The following MACROD2 variants were observed in gnomAD, a reference collection of about 807,000 sequenced individuals.
MACROD2 encodes ADP-ribose glycohydrolase MACROD2.
Under a neutral mutation model 70.4 loss-of-function variants are expected in MACROD2, and 36 were observed. The observed-to-expected ratio is 0.51, with a 90% CI of 0.39 to 0.68. MACROD2 has a LOEUF of 0.68. MACROD2 is among the 30% of genes least tolerant of loss of function. The pLI is 0.00. For synonymous variants in MACROD2, 172 were observed against 178.8 expected, an observed-to-expected ratio of 0.96 and a Z score of 0.30; for missense variants, 496 against 538.4, an observed-to-expected ratio of 0.92 and a Z score of 0.78.
At chr20:14,602,761 A>G (rs1982577183) in intron 4 of MACROD2, among the ~76,000 whole-genome samples, 1 of 152,188 alleles carries the variant, frequency 6.6e-6, no homozygotes, top group Non-Finnish European at 1.5e-5. Context: ...ATTATTTCTT[A>G]AAAATTGAAA....
intron 4 of MACROD2, among the ~76,000 whole-genome samples, chr20:14,508,700 AT>A (rs1171194117): frequency 1.3e-5 from 2 of 152,182 alleles, no homozygotes; most frequent in African/African-American, 2.4e-5. Flanking sequence ...ATTTTATTAA[AT>A]AAATATATTT....
intron 5 of MACROD2, among the ~76,000 whole-genome samples, chr20:15,045,837 A>C (rs1041028287): frequency 8.9e-5 from 13 of 145,592 alleles, no homozygotes; most frequent in African/African-American, 3.3e-4. Flanking sequence ...CATTATATTG[A>C]AGTGCTTTTT....
chr20:15,305,650 T>A (rs1234955022), intron 6 of MACROD2, among the ~76,000 whole-genome samples: 1 of 145,660 alleles, frequency 6.9e-6, no homozygotes, highest in Non-Finnish European at 1.5e-5. Context: ...GCTGAGTTGA[T>A]AAAATTGTGT....
intron 5 of MACROD2, among the ~76,000 whole-genome samples, chr20:14,737,873 T>C (rs2071686696): frequency 6.6e-6 from 1 of 152,124 alleles, no homozygotes; most frequent in African/African-American, 2.4e-5. Flanking sequence ...GGATAGATAG[T>C]TTTCTATAGC....
intron 6 of MACROD2, among the ~76,000 whole-genome samples, chr20:15,309,167 A>AT (rs1389786150): frequency 6.6e-6 from 1 of 152,214 alleles, no homozygotes; most frequent in East Asian, 1.9e-4. Flanking sequence ...CTACAAAGTT[A>AT]TTTTTCATAC....
rs534101784 is a variant in MACROD2 at position 15,609,267 on chromosome 20, G to T, written c.645+109420G>T. Among the ~76,000 whole-genome samples, 4 of 152,342 alleles carry T rather than the reference G, an allele frequency of 2.6e-5. No homozygotes were observed. In the South Asian group the frequency reaches 6.2e-4, roughly 24 times the overall value. ...TCGATAGGGAAGGTGAGAGAAGGAA[G>T]AACTTGGGAATCTTATTAATGGTAT... On this transcript the variant is annotated intron_variant, in intron 8 of 17. Coordinates refer to ENST00000684519, the MANE Select transcript of MACROD2 (RefSeq NM_001351661.2).
chr20:14,011,674 G>A (rs570590077), intron 2 of MACROD2, among the ~76,000 whole-genome samples: 3 of 151,778 alleles, frequency 2.0e-5, no homozygotes, highest in Non-Finnish European at 4.4e-5. Flanking sequence ...GACTCCAGGC[G>A]CCCGCCACCA....
chr20:15,113,594 G>A (rs980803708), intron 5 of MACROD2, among the ~76,000 whole-genome samples: 2 of 152,046 alleles, frequency 1.3e-5, no homozygotes, highest in Non-Finnish European at 2.9e-5. Context: ...GTTTAATGAT[G>A]GATATTATTG....
At chr20:15,112,717 C>T (rs1185441319) in intron 5 of MACROD2, among the ~76,000 whole-genome samples, 3 of 152,098 alleles carry the variant, frequency 2.0e-5, no homozygotes, top group Admixed American at 6.6e-5. Flanking sequence ...CACGGTAGTG[C>T]GGCCACCACC....
chr20:14,278,499 T>C (rs547658782), intron 3 of MACROD2, among the ~76,000 whole-genome samples: 66 of 152,230 alleles, frequency 4.3e-4, no homozygotes, highest in Non-Finnish European at 6.5e-4. Context: ...AGAATAATAA[T>C]AATATTTGCT....
intron 4 of MACROD2, among the ~76,000 whole-genome samples, chr20:14,509,298 T>C (rs1310883250): frequency 6.6e-6 from 1 of 152,112 alleles, no homozygotes; most frequent in African/African-American, 2.4e-5. Context: ...GACAGTAAAA[T>C]CATTAACTGT....
intron 6 of MACROD2, among the ~76,000 whole-genome samples, chr20:15,392,886 T>C (rs370863572): frequency 2.6e-5 from 4 of 152,058 alleles, no homozygotes; most frequent in South Asian, 4.2e-4. Context: ...AATTGTACAG[T>C]GTAAAGTGAT....
chr20:14,356,795 G>A (rs1257494919), intron 3 of MACROD2, among the ~76,000 whole-genome samples: 3 of 152,140 alleles, frequency 2.0e-5, no homozygotes, highest in Admixed American at 6.5e-5. Flanking sequence ...GTGAGCCACC[G>A]TGCCTGGCCT....
At chr20:14,453,069 G>A (rs1287459565) in intron 3 of MACROD2, among the ~76,000 whole-genome samples, 3 of 152,126 alleles carry the variant, frequency 2.0e-5, no homozygotes, top group Non-Finnish European at 4.4e-5. Flanking sequence ...AGGTTTTGAA[G>A]GGAAATGTGC....
chr20:14,064,376 C>T (rs544795672), intron 2 of MACROD2, among the ~76,000 whole-genome samples: 4 of 152,224 alleles, frequency 2.6e-5, no homozygotes, highest in South Asian at 2.1e-4. Flanking sequence ...AGCATCAAGA[C>T]CTGTACATGT....
intron 6 of MACROD2, among the ~76,000 whole-genome samples, chr20:15,381,675 A>G (rs1398560849): frequency 6.6e-6 from 1 of 152,064 alleles, no homozygotes; most frequent in Non-Finnish European, 1.5e-5. Context: ...CAAAAAGACT[A>G]AAAACAAAAA....
At chr20:14,712,160 TA>T (rs951913690) in intron 5 of MACROD2, among the ~76,000 whole-genome samples, 3 of 152,140 alleles carry the variant, frequency 2.0e-5, no homozygotes, top group African/African-American at 7.2e-5. Context: ...ACAAATCAGT[TA>T]AAAAATATAT....
intron 4 of MACROD2, among the ~76,000 whole-genome samples, chr20:14,568,155 T>C (rs1017015841): frequency 4.6e-5 from 7 of 152,094 alleles, no homozygotes; most frequent in African/African-American, 1.7e-4. Context: ...TTATATGATT[T>C]ATATTACTTT....
At chr20:14,577,290 A>G (rs965581736) in intron 4 of MACROD2, among the ~76,000 whole-genome samples, 3 of 152,232 alleles carry the variant, frequency 2.0e-5, no homozygotes, top group African/African-American at 7.2e-5. Context: ...TTTTCATAAT[A>G]TGCTCAACCT....
Sources: allele counts gnomAD v4.1 joint callset (sites outside exome capture counted in the v4.1 genomes callset), GRCh38; gene constraint gnomAD v4.1.1; transcripts MANE v1.5; gene names NCBI Gene and HGNC (gene_info 2026-07-23, HGNC 2026-07-21).